Variants in PTK7 observed in about 807,000 individuals in gnomAD.
PTK7 encodes protein tyrosine kinase 7 (inactive), also known as inactive tyrosine-protein kinase 7.
A neutral mutation model predicts 116.6 loss-of-function variants in PTK7; 39 were observed. The ratio of observed to expected loss-of-function variants is 0.33; its 90% CI spans 0.26 to 0.44. The LOEUF (loss-of-function observed/expected upper bound fraction) is 0.44, where lower values mean the gene tolerates loss of function less well. PTK7 is among the 20% of genes least tolerant of loss of function. The pLI, the probability that PTK7 is intolerant of heterozygous loss-of-function variation, is 1.00. For synonymous variants in PTK7, 546 were observed against 563.6 expected (o/e 0.97, Z 0.44); for missense variants, 1,169 against 1,425.6 (o/e 0.82, Z 2.90).
intron 19 of PTK7, among the ~76,000 whole-genome samples, chr6:43,160,230 C>G (rs766097491): frequency 3.9e-5 from 6 of 152,174 alleles, no homozygotes; most frequent in Non-Finnish European, 8.8e-5. Context: ...ATTCTCCTGC[C>G]TTAGACTCCC....
chr6:43,081,367 A>G (rs994538801), intron 1 of PTK7, among the ~76,000 whole-genome samples: 2 of 152,096 alleles, frequency 1.3e-5, no homozygotes, highest in East Asian at 1.9e-4. Context: ...CTTATTTATA[A>G]TGGGTTCTTA....
At position 43,150,739 on chromosome 6, in the gene PTK7, C is replaced by A. The variant is rs1771012552; in HGVS notation, c.2721+4041C>A. Among the ~76,000 whole-genome samples, 11 of 144,506 alleles carry A rather than the reference C, an allele frequency of 7.6e-5. No homozygotes were observed. In the Admixed American group the frequency reaches 7.9e-4, roughly 10 times the overall value. 94.8% of individuals were successfully genotyped at this position (144,506 alleles called of 152,430 possible). On this transcript the variant is annotated intron_variant, in intron 17 of 19. Transcript: ENST00000230419. ...CCCTTTACCACCAGTGCACCTGAGG[C>A]ATTCTGAGGACGGTGCTGCAGGGGT... is the stretch of plus-strand genomic sequence containing the variant.
At chr6:43,140,296 A>G (rs1256321527) in intron 10 of PTK7, among the ~76,000 whole-genome samples, 1 of 151,934 alleles carries the variant, frequency 6.6e-6, no homozygotes, top group Non-Finnish European at 1.5e-5. Context: ...TACTGAAAAT[A>G]CAAAAAATTA....
At chr6:43,081,440 G>C (rs1422329571) in intron 1 of PTK7, among the ~76,000 whole-genome samples, 1 of 152,048 alleles carries the variant, frequency 6.6e-6, no homozygotes, top group Non-Finnish European at 1.5e-5. Context: ...GAGTCTGCCT[G>C]TGTCTCCCAG....
In PTK7 at chr6:43,129,967, C is replaced by T. The variant is rs1439428226; in HGVS notation, c.470+138C>T. 1.7e-5 allele frequency: 16 copies of T among 943,304 alleles called. No individual in the cohort carries two copies. The highest frequency in any genetic ancestry group is 2.6e-5 in the Non-Finnish European group (16 of 617,628). The allele number at this position is 943,304 out of a possible 1,614,324, so 58.4% of individuals were successfully genotyped here. On this transcript the variant is annotated intron_variant, in intron 3 of 19. Coordinates refer to ENST00000230419, the MANE Select transcript of PTK7 (RefSeq NM_002821.5). This position sits in a 1 kb window ranked among gnomAD's most constrained non-coding sequence, Gnocchi z 4.5. ...ACCACCACAGTGCTCTTCACCCTGC[C>T]CTCCCCCAGATATTGCCCTATGCCG...
At chr6:43,115,053 A>AC (rs973591221) in intron 1 of PTK7, among the ~76,000 whole-genome samples, 1 of 151,748 alleles carries the variant, frequency 6.6e-6, no homozygotes, top group Non-Finnish European at 1.5e-5. Flanking sequence ...AAAAAAAAAA[A>AC]AACTTTACAA....
chr6:43,081,069 C>T (rs1156548939), intron 1 of PTK7, among the ~76,000 whole-genome samples: 1 of 152,182 alleles, frequency 6.6e-6, no homozygotes, highest in African/African-American at 2.4e-5. Flanking sequence ...CTACTGGGAC[C>T]CTCCATTCCA....
At position 43,132,688 on chromosome 6, in the gene PTK7, G is replaced by A. The variant is rs1281286248; in HGVS notation, c.1228+1G>A. On this transcript the variant is annotated splice_donor_variant, in intron 7 of 19. Coordinates refer to ENST00000230419, the MANE Select transcript of PTK7 (RefSeq NM_002821.5). LOFTEE classifies it high-confidence loss of function. ...CAGGATGTCAACATCACTGTGGCCAGTGAGCACCTTTGCCCTGAAGGTCAA... is the reference window on the plus strand; with the variant it reads ...CAGGATGTCAACATCACTGTGGCCAATGAGCACCTTTGCCCTGAAGGTCAA... The A allele has an allele frequency of 6.4e-7, 1 of 1,559,126 alleles. No homozygotes were observed. Among genetic ancestry groups the A allele is most frequent in the Non-Finnish European group, 8.7e-7 (1 of 1,151,452 alleles).
intron 1 of PTK7, among the ~76,000 whole-genome samples, chr6:43,091,656 T>C (rs902685417): frequency 3.3e-5 from 5 of 152,242 alleles, no homozygotes; most frequent in Non-Finnish European, 7.3e-5. Flanking sequence ...TTTCATTTTC[T>C]GTGGTTTCAG....
chr6:43,106,235 G>A (rs1767881123), intron 1 of PTK7, among the ~76,000 whole-genome samples: 1 of 152,132 alleles, frequency 6.6e-6, no homozygotes, highest in South Asian at 2.1e-4. Context: ...GAATTACTCA[G>A]AGTTCTCTGA....
At chr6:43,113,388 G>A (rs188478871) in intron 1 of PTK7, among the ~76,000 whole-genome samples, 7 of 152,036 alleles carry the variant, frequency 4.6e-5, no homozygotes, top group Admixed American at 3.3e-4. Flanking sequence ...AGCCAAGATC[G>A]CACCACTGCA....
At chr6:43,146,308 G>A in intron 16 of PTK7, 2 of 248,440 alleles carry the variant, frequency 8.1e-6, no homozygotes, top group Non-Finnish European at 1.6e-5. Context: ...AGGGCAGAGG[G>A]TAGGGGACTG....
At chr6:43,123,936 GGGTGCAGA>G in intron 1 of PTK7, among the ~76,000 whole-genome samples, 1 of 152,338 alleles carries the variant, frequency 6.6e-6, no homozygotes, top group East Asian at 1.9e-4. Context: ...CGGCAAAGAA[GGGTGCAGA>G]GGCCACACTA....
chr6:43,080,603 G>A (rs1000609941), intron 1 of PTK7, among the ~76,000 whole-genome samples: 21 of 152,118 alleles, frequency 1.4e-4, no homozygotes, highest in Admixed American at 2.0e-4. Context: ...TAGCTTCTCA[G>A]CCTCTTCTAT....
At position 43,076,388 on chromosome 6, in the gene PTK7, C is replaced by A; in HGVS notation, c.-101C>A. 1.1e-6 allele frequency: 1 copy of A among 927,186 alleles called. No homozygotes were observed. The highest frequency in any genetic ancestry group is 3.0e-5 in the South Asian group (1 of 33,314). The allele number at this position is 927,186 out of a possible 1,614,324, so 57.4% of individuals were successfully genotyped here. ...CGGGCTCCGGCTGCGGCTGCTGCTG[C>A]GGCGCCCGCGCTCCGGTGCGCTCCG... On this transcript the variant is annotated 5_prime_UTR_variant, in exon 1 of 20. Transcript: ENST00000230419. This position sits in a 1 kb window ranked among gnomAD's most constrained non-coding sequence, Gnocchi z 5.7.
In PTK7 at chr6:43,143,385, C is replaced by A. The variant is rs760092652; in HGVS notation, c.2048-32C>A. 1.9e-5 allele frequency: 31 copies of A among 1,602,116 alleles called. No individual in the cohort carries two copies. The South Asian group carries it at 3.3e-4, about 17-fold the overall frequency. On this transcript the variant is annotated intron_variant, in intron 13 of 19. Coordinates refer to ENST00000230419, the MANE Select transcript of PTK7 (RefSeq NM_002821.5). The surrounding 1 kb of genome is among the most constrained non-coding windows in gnomAD (Gnocchi z 4.2). ...AAGCAGGGCTTCTTTTGCTTAGCAGCCCCTGCCCAGACCCATCTGTGTGTC... is the reference window on the plus strand; with the variant it reads ...AAGCAGGGCTTCTTTTGCTTAGCAGACCCTGCCCAGACCCATCTGTGTGTC...
At chr6:43,077,418 C>CG (rs1766111996) in intron 1 of PTK7, among the ~76,000 whole-genome samples, 1 of 152,058 alleles carries the variant, frequency 6.6e-6, no homozygotes, top group Non-Finnish European at 1.5e-5. Flanking sequence ...CTCATTCTGG[C>CG]TTTTCTTGGG....
intron 1 of PTK7, among the ~76,000 whole-genome samples, chr6:43,123,036 C>A (rs2150418353): frequency 6.6e-6 from 1 of 152,320 alleles, no homozygotes; most frequent in South Asian, 2.1e-4. Context: ...AATCCCCATG[C>A]CTCTGTGGAG....
intron 1 of PTK7, among the ~76,000 whole-genome samples, chr6:43,099,835 C>T (rs781713552): frequency 6.6e-6 from 1 of 151,748 alleles, no homozygotes; most frequent in Non-Finnish European, 1.5e-5. Flanking sequence ...TTTTGGAGGC[C>T]GAGGCAGGCA....
Sources: gnomAD v4.1 joint callset for allele counts (sites outside exome capture counted in the v4.1 genomes callset) on GRCh38, gnomAD v4.1.1 for gene constraint, Gnocchi (gnomAD v3.1) non-coding constraint, MANE v1.5 for transcripts, NCBI Gene and HGNC (gene_info 2026-07-23, HGNC 2026-07-21) for gene names.